Variants in PRKCA observed in about 807,000 individuals in gnomAD.
The protein encoded by PRKCA is protein kinase C alpha type.
PRKCA carries 27 observed loss-of-function variants against 87.0 expected under a neutral mutation model. The ratio of observed to expected loss-of-function variants is 0.31; its 90% CI spans 0.23 to 0.43. The LOEUF is 0.43. Ranked by LOEUF, PRKCA falls within the 20% of genes least tolerant of loss-of-function variation. The pLI is 1.00. For synonymous variants in PRKCA, 329 were observed against 311.1 expected (o/e 1.06, Z -0.61); for missense variants, 518 against 852.3 (o/e 0.61, Z 4.88).
At chr17:66,722,701 G>C (rs1244930844) in intron 8 of PRKCA, among the ~76,000 whole-genome samples, 1 of 152,146 alleles carries the variant, frequency 6.6e-6, no homozygotes, top group Admixed American at 6.5e-5. Context: ...CTCACAGCCT[G>C]GTCTTCCAAG....
At chr17:66,308,723 G>A (rs1904946247) in intron 2 of PRKCA, among the ~76,000 whole-genome samples, 1 of 152,020 alleles carries the variant, frequency 6.6e-6, no homozygotes. Context: ...GTATTTTATT[G>A]TTTGTTGTAA....
intron 3 of PRKCA, among the ~76,000 whole-genome samples, chr17:66,517,210 G>A (rs1275734944): frequency 6.6e-6 from 1 of 152,138 alleles, no homozygotes; most frequent in African/African-American, 2.4e-5. Flanking sequence ...CTTGAACCTG[G>A]GAGGTAGAGG....
intron 2 of PRKCA, among the ~76,000 whole-genome samples, chr17:66,473,427 C>G (rs1228172089): frequency 3.9e-5 from 6 of 152,176 alleles, no homozygotes; most frequent in Non-Finnish European, 5.9e-5. Context: ...TGCCTTCACA[C>G]CTGGACTCCA....
At chr17:66,675,767 C>T (rs1387894553) in intron 5 of PRKCA, among the ~76,000 whole-genome samples, 1 of 152,186 alleles carries the variant, frequency 6.6e-6, no homozygotes, top group Non-Finnish European at 1.5e-5. Context: ...GCCACCGGAG[C>T]CTGCCTGGGC....
chr17:66,747,118 C>T (rs1285530386), intron 13 of PRKCA, among the ~76,000 whole-genome samples: 1 of 152,202 alleles, frequency 6.6e-6, no homozygotes, highest in East Asian at 1.9e-4. Flanking sequence ...GTCGTCCAGG[C>T]TGGAGTGCAG....
intron 2 of PRKCA, among the ~76,000 whole-genome samples, chr17:66,344,970 C>G (rs1414731422): frequency 6.6e-6 from 1 of 152,144 alleles, no homozygotes; most frequent in Non-Finnish European, 1.5e-5. Flanking sequence ...CAGATTTTTA[C>G]TGAAAGAACG....
chr17:66,538,601 G>A (rs368029003), intron 3 of PRKCA, among the ~76,000 whole-genome samples: 1 of 152,190 alleles, frequency 6.6e-6, no homozygotes, highest in African/African-American at 2.4e-5. Flanking sequence ...TGGTTGAGTG[G>A]GGTGGCTGTG....
chr17:66,762,576 G>T (rs184470928), intron 13 of PRKCA, among the ~76,000 whole-genome samples: 279 of 152,258 alleles, frequency 1.8e-3, no homozygotes, highest in Admixed American at 3.7e-3. Flanking sequence ...GAAGTATCTC[G>T]ATTGAGAGCT....
At chr17:66,380,340 G>A (rs1455625932) in intron 2 of PRKCA, among the ~76,000 whole-genome samples, 2 of 152,082 alleles carry the variant, frequency 1.3e-5, no homozygotes, top group African/African-American at 4.8e-5. Context: ...CAGGGAGTAA[G>A]TGATGTATCT....
At chr17:66,367,716 A>G (rs1396969942) in intron 2 of PRKCA, among the ~76,000 whole-genome samples, 1 of 152,188 alleles carries the variant, frequency 6.6e-6, no homozygotes, top group Non-Finnish European at 1.5e-5. Flanking sequence ...TCATAAGACC[A>G]GGTTTGAATC....
chr17:66,798,386 GTGGTGGTGGTGGTGGTGGTGA>G (rs1568040602), intron 16 of PRKCA, among the ~76,000 whole-genome samples: 2 of 102,832 alleles, frequency 1.9e-5, no homozygotes, highest in Non-Finnish European at 1.9e-5. Flanking sequence ...GGCGGTGGTG[GTGGTGGTGGTGGTGGTGGTGA>G]TGGTGATGGT....
chr17:66,358,893 A>G (rs771692953), intron 2 of PRKCA, among the ~76,000 whole-genome samples: 1 of 152,022 alleles, frequency 6.6e-6, no homozygotes, highest in Non-Finnish European at 1.5e-5. Context: ...GGAGTTGGAA[A>G]TAAATTTAAC....
chr17:66,485,159 G>A (rs954940101), intron 2 of PRKCA, among the ~76,000 whole-genome samples: 1 of 152,130 alleles, frequency 6.6e-6, no homozygotes, highest in African/African-American at 2.4e-5. Context: ...TAGGGAATTG[G>A]TGTATAGTAA....
intron 2 of PRKCA, among the ~76,000 whole-genome samples, chr17:66,395,609 T>C (rs1464661286): frequency 6.6e-6 from 1 of 152,210 alleles, no homozygotes; most frequent in African/African-American, 2.4e-5. Context: ...AAAAGTCCTG[T>C]TAACTAAGCA....
At chr17:66,305,840 CATAGTAT>C (rs1904786999) in intron 1 of PRKCA, among the ~76,000 whole-genome samples, 1 of 152,084 alleles carries the variant, frequency 6.6e-6, no homozygotes, top group Non-Finnish European at 1.5e-5. Context: ...GTATTGATAA[CATAGTAT>C]AAAAAATTGG....
At chr17:66,661,084 A>G (rs1276574126) in intron 5 of PRKCA, among the ~76,000 whole-genome samples, 1 of 152,154 alleles carries the variant, frequency 6.6e-6, no homozygotes, top group Non-Finnish European at 1.5e-5. Context: ...TTCTTTCTCC[A>G]TACTGCCTTC....
At chr17:66,554,239 G>GAAA (rs11290369) in intron 3 of PRKCA, among the ~76,000 whole-genome samples, 10,538 of 138,642 alleles carry the variant, frequency 0.076, 432 homozygotes, top group South Asian at 0.16. Flanking sequence ...CCGTCTCTAT[G>GAAA]AAAAAAAAAA....
At chr17:66,524,064 G>A (rs1322826957) in intron 3 of PRKCA, among the ~76,000 whole-genome samples, 3 of 152,094 alleles carry the variant, frequency 2.0e-5, no homozygotes, top group South Asian at 4.2e-4. Flanking sequence ...GACAAGCCTC[G>A]CAACTCCCAG....
chr17:66,721,479 C>A (rs531336140), intron 8 of PRKCA, among the ~76,000 whole-genome samples: 8 of 150,896 alleles, frequency 5.3e-5, no homozygotes, highest in Admixed American at 1.3e-4. Context: ...ATGGTTATTT[C>A]TTGATCATAT....
Sources: allele counts gnomAD v4.1 joint callset (sites outside exome capture counted in the v4.1 genomes callset), GRCh38; gene constraint gnomAD v4.1.1; transcripts MANE v1.5; gene names NCBI Gene and HGNC (gene_info 2026-07-23, HGNC 2026-07-21).